The following SCG3 variants were observed in gnomAD, a reference collection of about 807,000 sequenced individuals.
SCG3 encodes secretogranin-3.
In SCG3, 38 loss-of-function variants were observed where a neutral mutation model predicts 56.2. The ratio of observed to expected loss-of-function variants is 0.68; its 90% confidence interval spans 0.52 to 0.89. The LOEUF (loss-of-function observed/expected upper bound fraction) is 0.89. SCG3 is among the 40% of genes least tolerant of loss of function. The pLI, the probability that SCG3 is intolerant of heterozygous loss-of-function variation, is 0.00. For missense variants in SCG3, 524 were observed against 540.7 expected, an observed-to-expected ratio of 0.97 and a Z score of 0.31; for synonymous variants, 176 against 184.2, an observed-to-expected ratio of 0.96 and a Z score of 0.36.
intron 11 of SCG3, among the ~76,000 whole-genome samples, chr15:51,715,699 C>T (rs933971213): frequency 1.3e-5 from 2 of 152,174 alleles, no homozygotes; most frequent in Non-Finnish European, 2.9e-5. Flanking sequence ...TGGCATTAGA[C>T]CAAAGGGCCT....
At chr15:51,700,954 A>G (rs1278339298) in intron 9 of SCG3, among the ~76,000 whole-genome samples, 153 bp from the exon 10 acceptor site, 3 of 152,158 alleles carry the variant, frequency 2.0e-5, no homozygotes, top group Non-Finnish European at 2.9e-5. Flanking sequence ...TATGGGGTTA[A>G]AGGGTTGGAT....
intron 4 of SCG3, among the ~76,000 whole-genome samples, chr15:51,687,137 A>G (rs1275539580): frequency 6.6e-6 from 1 of 152,170 alleles, no homozygotes; most frequent in Non-Finnish European, 1.5e-5. Flanking sequence ...ATACAAATCC[A>G]CTGTGCATAA....
chr15:51,702,098 T>C (rs780137777), intron 10 of SCG3, among the ~76,000 whole-genome samples: 41 of 152,172 alleles, frequency 2.7e-4, no homozygotes, highest in Non-Finnish European at 1.0e-4. Flanking sequence ...AAAATTTGAA[T>C]TTAACAAAGC....
Position 51,702,981 on chromosome 15 carries a change from T to C in SCG3, c.1207+1737T>C, listed in dbSNP as rs1197958131. On this transcript the variant is annotated intron_variant, in intron 10 of 11. Coordinates refer to ENST00000220478, the MANE Select transcript of SCG3 (RefSeq NM_013243.4). ...GTAGATTCATCTGCAGAGTTTATTCTTTAAGAGCTGAGAGAGTGGGTCAGT... is the reference window on the plus strand; with the variant it reads ...GTAGATTCATCTGCAGAGTTTATTCCTTAAGAGCTGAGAGAGTGGGTCAGT... Among the ~76,000 whole-genome samples the C allele has an allele frequency of 1.3e-5, 2 of 152,146 alleles. 1 individual carries two copies. The highest frequency in any genetic ancestry group is 1.3e-4 in the Admixed American group (2 of 15,274).
At chr15:51,690,242 A>T (rs1025904112) in intron 6 of SCG3, among the ~76,000 whole-genome samples, 2 of 151,854 alleles carry the variant, frequency 1.3e-5, no homozygotes, top group Non-Finnish European at 2.9e-5. Flanking sequence ...GGCTAATTTC[A>T]TCCTTCCTTC....
intron 11 of SCG3, among the ~76,000 whole-genome samples, chr15:51,717,170 C>G (rs750780693): frequency 6.6e-6 from 1 of 152,118 alleles, no homozygotes; most frequent in Non-Finnish European, 1.5e-5. Flanking sequence ...GAGTTCGAGA[C>G]CATCCTGGCC....
chr15:51,699,258 G>C (rs182491626), intron 8 of SCG3, 61 bp from the exon 9 acceptor site: 5 of 1,205,764 alleles, frequency 4.1e-6, no homozygotes, highest in Non-Finnish European at 6.0e-6. Context: ...AACATTTTTC[G>C]TAAAAATTTG....
At chr15:51,698,339 A>G (rs185716402) in intron 8 of SCG3, among the ~76,000 whole-genome samples, 12 of 152,278 alleles carry the variant, frequency 7.9e-5, no homozygotes, top group Non-Finnish European at 1.5e-4. Flanking sequence ...GTCTACCTTG[A>G]GGAAGTCACA....
chr15:51,716,380 G>A (rs995906394), intron 11 of SCG3, among the ~76,000 whole-genome samples: 3 of 152,144 alleles, frequency 2.0e-5, no homozygotes, highest in Admixed American at 6.5e-5. Context: ...TCTCTACTTC[G>A]TGCCTGAGAG....
At chr15:51,682,310 AAATACACCAAGATAATAAACAAGGC>A (rs1463277858) in intron 1 of SCG3, among the ~76,000 whole-genome samples, 182 bp from the exon 2 acceptor site, 3 of 152,096 alleles carry the variant, frequency 2.0e-5, no homozygotes, top group Non-Finnish European at 2.9e-5. Flanking sequence ...TCAGCTCAAG[AAATACACCAAGATAATAAACAAGGC>A]AATATTGATA....
At position 51,711,098 on chromosome 15, in the gene SCG3, T is replaced by C. The variant is rs570189102; in HGVS notation, c.1208-2235T>C. 2.0e-3 allele frequency among the ~76,000 whole-genome samples: 310 copies of C among 152,314 alleles called. 8 individuals carry two copies. Among genetic ancestry groups the C allele is most frequent in the Non-Finnish European group, 2.0e-3 (136 of 68,032 alleles). On this transcript the variant is annotated intron_variant, in intron 10 of 11. Coordinates refer to ENST00000220478, the MANE Select transcript of SCG3 (RefSeq NM_013243.4). Reference sequence around the variant, plus strand: ...CATGGGCGACTAGAGCTCAATCCTATTGAAGACTTCTGGGAAACAGTAGAA... The same window carrying C: ...CATGGGCGACTAGAGCTCAATCCTACTGAAGACTTCTGGGAAACAGTAGAA...
intron 9 of SCG3, 96 bp downstream of exon 9, chr15:51,699,498 A>G: frequency 1.1e-6 from 1 of 898,892 alleles, no homozygotes. Context: ...AAAATTACAG[A>G]TTTTGAAAAG....
Position 51,713,432 on chromosome 15 carries a change from G to A in SCG3, c.1288+19G>A. Reference sequence around the variant, plus strand: ...AAAGAAGGTAGGACCAAGTGTGGTTGTACATTGCAAACTTCACCCATTTGT... The same window carrying A: ...AAAGAAGGTAGGACCAAGTGTGGTTATACATTGCAAACTTCACCCATTTGT... On this transcript the variant is annotated intron_variant, in intron 11 of 11. Transcript: ENST00000220478. 2 of 1,499,374 alleles carry A rather than the reference G, an allele frequency of 1.3e-6. No homozygotes were observed. Among genetic ancestry groups the A allele is most frequent in the Non-Finnish European group, 1.8e-6 (2 of 1,096,118 alleles). 92.9% of individuals were successfully genotyped at this position (1,499,374 alleles called of 1,614,324 possible).
intron 1 of SCG3, 77 bp downstream of exon 1, chr15:51,681,914 C>T (rs2055197244): frequency 1.8e-6 from 2 of 1,113,704 alleles, no homozygotes; most frequent in Non-Finnish European, 2.7e-6. Flanking sequence ...AATACGTGAG[C>T]TGTAAATCAC....
At chr15:51,694,583 A>G (rs2055289671) in intron 7 of SCG3, among the ~76,000 whole-genome samples, 1 of 152,218 alleles carries the variant, frequency 6.6e-6, no homozygotes, top group Non-Finnish European at 1.5e-5. Flanking sequence ...AATAGGGAAA[A>G]TGGGTTCCCC....
rs370222289 is a variant in SCG3 at position 51,699,797 on chromosome 15, C to T, written c.1069+395C>T. ...TTCACTCCCCACTGCCCGCCTCCCG[C>T]TCTCCCCTCCCAGGTTTTCTCTCTC... On this transcript the variant is annotated intron_variant, in intron 9 of 11. Transcript: ENST00000220478. Among the ~76,000 whole-genome samples the T allele has an allele frequency of 5.1e-4, 78 of 152,188 alleles. 2 individuals are homozygous for T. The East Asian group carries it at 0.012, about 24-fold the overall frequency.
chr15:51,716,705 C>A (rs773026780), intron 11 of SCG3, among the ~76,000 whole-genome samples: 2 of 152,330 alleles, frequency 1.3e-5, no homozygotes, highest in African/African-American at 2.4e-5. Context: ...TTCTCCCCAC[C>A]ACCAAGCAAG....
chr15:51,688,044 C>T (rs761781532), intron 4 of SCG3, among the ~76,000 whole-genome samples: 2 of 152,012 alleles, frequency 1.3e-5, no homozygotes, highest in African/African-American at 2.4e-5. Flanking sequence ...CTTATAGTCA[C>T]CTAAGAAAGT....
intron 11 of SCG3, among the ~76,000 whole-genome samples, chr15:51,716,552 C>T (rs960507497): frequency 1.3e-5 from 2 of 152,162 alleles, no homozygotes; most frequent in Non-Finnish European, 2.9e-5. Context: ...GTAACTTACC[C>T]CCTTTTCTGT....
Sources: allele counts gnomAD v4.1 joint callset (sites outside exome capture counted in the v4.1 genomes callset), GRCh38; gene constraint gnomAD v4.1.1; transcripts MANE v1.5; gene names NCBI Gene and HGNC (gene_info 2026-07-23, HGNC 2026-07-21).